The following SLC71A2 variants were observed in gnomAD, a reference collection of about 807,000 sequenced individuals.
SLC71A2 encodes solute carrier family 71 member 2.
chr9:94,388,238 TGAA>T, the SLC71A2 span, among the ~76,000 whole-genome samples: 1 of 152,236 alleles, frequency 6.6e-6, no homozygotes, highest in Non-Finnish European at 1.5e-5. Flanking sequence ...TGGTGAAATG[TGAA>T]GATTATTTTT....
chr9:94,396,177 A>G, the SLC71A2 span, among the ~76,000 whole-genome samples: 3 of 149,666 alleles, frequency 2.0e-5, no homozygotes, highest in Non-Finnish European at 4.4e-5. Flanking sequence ...TGATATACCC[A>G]TATAATTGGT....
At chr9:94,446,598 GTTTA>G in the SLC71A2 span, among the ~76,000 whole-genome samples, 12 of 151,706 alleles carry the variant, frequency 7.9e-5, no homozygotes, top group Admixed American at 4.6e-4. Context: ...TGTTTTGTGG[GTTTA>G]TTTTTTTGCT....
chr9:94,423,210 T>TA, the SLC71A2 span, among the ~76,000 whole-genome samples: 1 of 150,946 alleles, frequency 6.6e-6, no homozygotes, highest in Non-Finnish European at 1.5e-5. Context: ...GTGCTGGGAT[T>TA]ACAGATGTGA....
chr9:94,442,585 T>C, the SLC71A2 span, among the ~76,000 whole-genome samples: 1 of 152,136 alleles, frequency 6.6e-6, no homozygotes, highest in Non-Finnish European at 1.5e-5. Context: ...GTGCGGTGGC[T>C]CACGCCTGTA....
At chr9:94,425,748 T>C in the SLC71A2 span, among the ~76,000 whole-genome samples, 2 of 152,110 alleles carry the variant, frequency 1.3e-5, no homozygotes, top group Admixed American at 6.6e-5. Flanking sequence ...AAAGGCAGTC[T>C]AGTCTCCAGG....
chr9:94,446,088 A>G, the SLC71A2 span, among the ~76,000 whole-genome samples: 1 of 152,146 alleles, frequency 6.6e-6, no homozygotes, highest in African/African-American at 2.4e-5. Flanking sequence ...TTTCCGGGCA[A>G]TCGTGGGGAT....
At chr9:94,456,412 G>T in the SLC71A2 span, 6 of 1,178,268 alleles carry the variant, frequency 5.1e-6, no homozygotes, top group Admixed American at 1.7e-5. Context: ...GCAGCTCTGA[G>T]TTCTCCCCAT....
the SLC71A2 span, among the ~76,000 whole-genome samples, chr9:94,382,759 CT>C: frequency 1.3e-5 from 2 of 152,092 alleles, no homozygotes; most frequent in Non-Finnish European, 2.9e-5. Flanking sequence ...TCACTGCAAT[CT>C]CTGCCTCCCG....
the SLC71A2 span, among the ~76,000 whole-genome samples, chr9:94,403,268 C>T: frequency 1.3e-5 from 2 of 152,120 alleles, no homozygotes; most frequent in Non-Finnish European, 2.9e-5. Context: ...TCTCAAGTAG[C>T]TGGGATTACA....
the SLC71A2 span, chr9:94,459,222 T>C: frequency 6.2e-7 from 1 of 1,614,188 alleles, no homozygotes; most frequent in Non-Finnish European, 8.5e-7. Context: ...ATGTCTTTTC[T>C]GGTTGCCTTA....
the SLC71A2 span, among the ~76,000 whole-genome samples, chr9:94,403,122 T>C: frequency 6.6e-6 from 1 of 152,174 alleles, no homozygotes; most frequent in Non-Finnish European, 1.5e-5. Flanking sequence ...TTTGATTTTT[T>C]GTGACTGGCT....
At chr9:94,407,337 G>A in the SLC71A2 span, among the ~76,000 whole-genome samples, 1 of 151,476 alleles carries the variant, frequency 6.6e-6, no homozygotes, top group African/African-American at 2.4e-5. Flanking sequence ...TTTTGTTGAG[G>A]ATTTTTGCAT....
At chr9:94,402,565 G>A in the SLC71A2 span, among the ~76,000 whole-genome samples, 10 of 152,060 alleles carry the variant, frequency 6.6e-5, no homozygotes, top group Non-Finnish European at 1.5e-4. Flanking sequence ...TGTTGTATTA[G>A]TGACTTGTAA....
the SLC71A2 span, among the ~76,000 whole-genome samples, chr9:94,450,272 T>A: frequency 6.6e-6 from 1 of 152,186 alleles, no homozygotes; most frequent in Non-Finnish European, 1.5e-5. Context: ...AATCCCTAAA[T>A]CTACATTTTC....
the SLC71A2 span, among the ~76,000 whole-genome samples, chr9:94,396,817 C>A: frequency 1.3e-5 from 2 of 152,184 alleles, no homozygotes; most frequent in African/African-American, 4.8e-5. Flanking sequence ...CTTGCCCAGG[C>A]TGGAGTGCAC....
the SLC71A2 span, among the ~76,000 whole-genome samples, chr9:94,387,284 C>G: frequency 1.4e-4 from 22 of 152,252 alleles, no homozygotes; most frequent in Admixed American, 5.9e-4. Context: ...ATCTACTGTT[C>G]TACTAGAAAT....
the SLC71A2 span, among the ~76,000 whole-genome samples, chr9:94,393,740 C>T: frequency 4.1e-5 from 6 of 146,922 alleles, no homozygotes; most frequent in Non-Finnish European, 3.0e-5. Context: ...ATTAGGGCCC[C>T]GCATAATATC....
At chr9:94,400,546 G>T in the SLC71A2 span, among the ~76,000 whole-genome samples, 1 of 134,702 alleles carries the variant, frequency 7.4e-6, no homozygotes. Context: ...TGTTGCCTAT[G>T]ATAAAATTCC....
the SLC71A2 span, among the ~76,000 whole-genome samples, chr9:94,435,740 C>T: frequency 0.013 from 1,892 of 151,010 alleles, 31 homozygotes; most frequent in African/African-American, 0.044. Flanking sequence ...CTGCAACCTC[C>T]GCCTCCTGGG....
Sources: allele counts gnomAD v4.1 joint callset (sites outside exome capture counted in the v4.1 genomes callset), GRCh38; gene constraint gnomAD v4.1.1; transcripts MANE v1.5; gene names NCBI Gene and HGNC (gene_info 2026-07-23, HGNC 2026-07-21).